The following KIF2C variants were observed in gnomAD, a reference collection of about 807,000 sequenced individuals.
The protein encoded by KIF2C is kinesin-like protein KIF2C.
In KIF2C, 34 loss-of-function variants were observed where a neutral mutation model predicts 97.4. The ratio of observed to expected loss-of-function variants is 0.35; its 90% CI spans 0.27 to 0.46. The LOEUF is 0.46. Among genes scored for constraint, KIF2C ranks in the 20% least tolerant of loss-of-function variants. The probability of loss-of-function intolerance (pLI) is 1.00; values close to 1 mark genes in which losing one functional copy is unlikely to be tolerated. For missense variants in KIF2C, 750 were observed against 907.6 expected, an observed-to-expected ratio of 0.83 and a Z score of 2.23; for synonymous variants, 313 against 318.2, an observed-to-expected ratio of 0.98 and a Z score of 0.17.
At position 44,761,990 on chromosome 1, in the gene KIF2C, G is replaced by A. The variant is rs1350789805; in HGVS notation, c.1751+7G>A. 1 of 1,612,510 alleles carries A rather than the reference G, an allele frequency of 6.2e-7. No individual in the cohort carries two copies. Among genetic ancestry groups the A allele is most frequent in the Non-Finnish European group, 8.5e-7 (1 of 1,178,604 alleles). On this transcript the variant is annotated splice_region_variant and intron_variant, in intron 17 of 20. Coordinates refer to ENST00000372224, the MANE Select transcript of KIF2C (RefSeq NM_006845.4). ...CCCTGAGATATGCAGACAGGTACTAGTACCTACAGCTAGGTGGGATGCGGA... is the reference window on the plus strand; with the variant it reads ...CCCTGAGATATGCAGACAGGTACTAATACCTACAGCTAGGTGGGATGCGGA...
Position 44,762,585 on chromosome 1 carries a change from G to A in KIF2C, c.1898G>A (p.Ser633Asn). ...GAGGAACTGTCTTCCCAGATGTCCAGCTTTAACGAAGCCATGACTCAGATC... is the reference window on the plus strand; with the variant it reads ...GAGGAACTGTCTTCCCAGATGTCCAACTTTAACGAAGCCATGACTCAGATC... ...EEEELSSQMS[S>N]FNEAMTQIRE... The change falls in exon 19 of 21, where the codon AGC becomes AAC. Residue 633 changes from serine to asparagine, a missense_variant. Coordinates refer to ENST00000372224, the MANE Select transcript of KIF2C (RefSeq NM_006845.4). 6.2e-7 allele frequency: 1 copy of A among 1,614,158 alleles called. No homozygotes were observed. The highest frequency in any genetic ancestry group is 8.5e-7 in the Non-Finnish European group (1 of 1,180,018).
At position 44,745,130 on chromosome 1, in the gene KIF2C, A is replaced by G. The variant is rs560662479; in HGVS notation, c.166-2254A>G. Among the ~76,000 whole-genome samples, 5 of 151,608 alleles carry G rather than the reference A, an allele frequency of 3.3e-5. No homozygotes were observed. In the South Asian group the frequency reaches 1.1e-3, roughly 32 times the overall value. On this transcript the variant is annotated intron_variant, in intron 2 of 20. Coordinates refer to ENST00000372224, the MANE Select transcript of KIF2C (RefSeq NM_006845.4). ...CTTGAACCTGGGAGGCGGAGGTTCCAGTGAGCCGAGATCATGCCACTGCAC... is the reference window on the plus strand; with the variant it reads ...CTTGAACCTGGGAGGCGGAGGTTCCGGTGAGCCGAGATCATGCCACTGCAC...
intron 2 of KIF2C, among the ~76,000 whole-genome samples, chr1:44,742,720 A>C (rs1331877383): frequency 1.9e-4 from 12 of 64,828 alleles, no homozygotes; most frequent in African/African-American, 4.2e-4. Context: ...CTTCGTCTCA[A>C]AAAAAAAAAA....
At chr1:44,740,668 G>T (rs950653158) in intron 1 of KIF2C, among the ~76,000 whole-genome samples, 1 of 151,860 alleles carries the variant, frequency 6.6e-6, no homozygotes, top group Admixed American at 6.6e-5. Flanking sequence ...AGGCTCTCTT[G>T]AGTAGGGGTG....
chr1:44,749,490 A>G (rs371901722), intron 4 of KIF2C, among the ~76,000 whole-genome samples: 1 of 151,970 alleles, frequency 6.6e-6, no homozygotes, highest in Admixed American at 6.6e-5. Flanking sequence ...GATGGCTCAC[A>G]CCTGTAAGCC....
In KIF2C at chr1:44,760,562, G is replaced by A; in HGVS notation, c.1573-30G>A. ...GGAGGGATCAGTGCAAGGAAAGAAG[G>A]GACCTCAGTTGTTCCTGCTGCCCCC... On this transcript the variant is annotated intron_variant, in intron 15 of 20. Coordinates refer to ENST00000372224, the MANE Select transcript of KIF2C (RefSeq NM_006845.4). The surrounding 1 kb of genome is among the most constrained non-coding windows in gnomAD (Gnocchi z 4.2). The A allele has an allele frequency of 6.2e-7, 1 of 1,612,594 alleles. No individual in the cohort carries two copies. The highest frequency in any genetic ancestry group is 1.3e-5 in the African/African-American group (1 of 75,010).
intron 7 of KIF2C, 99 bp downstream of exon 7, chr1:44,753,932 A>T: frequency 1.3e-4 from 36 of 267,774 alleles, no homozygotes; most frequent in East Asian, 3.8e-4. Context: ...AGCATTTCTG[A>T]GGCTCCAGTT....
chr1:44,742,585 G>A (rs1001033336), intron 2 of KIF2C, among the ~76,000 whole-genome samples: 1 of 151,944 alleles, frequency 6.6e-6, no homozygotes, highest in Non-Finnish European at 1.5e-5. Flanking sequence ...TGGGTGTGGT[G>A]GCACGGGCCT....
rs912412925 is a variant in KIF2C at position 44,760,506 on chromosome 1, G to C, written c.1572+22G>C. On this transcript the variant is annotated intron_variant, in intron 15 of 20. Coordinates refer to ENST00000372224, the MANE Select transcript of KIF2C (RefSeq NM_006845.4). This position sits in a 1 kb window ranked among gnomAD's most constrained non-coding sequence, Gnocchi z 4.2. ...GAAGGTAGTGGGGCAGCTAGAGCTG[G>C]TTGGCCGGGAGAGCTACTGGGAAGG... The C allele has an allele frequency of 6.2e-7, 1 of 1,613,306 alleles. No individual in the cohort carries two copies.
At chr1:44,754,592 C>T (rs1649714700) in intron 7 of KIF2C, among the ~76,000 whole-genome samples, 158 bp from the exon 8 acceptor site, 1 of 152,178 alleles carries the variant, frequency 6.6e-6, no homozygotes, top group African/African-American at 2.4e-5. Flanking sequence ...CAATCTCTTC[C>T]CCAGTGCTTT....
Position 44,750,568 on chromosome 1 carries a change from A to C in KIF2C, c.439+4A>C. ...CGCAAGCAGTTTTCAGTTCCTCGTG[A>C]GTAACGAATGTGCCCCCAACCACCA... On this transcript the variant is annotated splice_donor_region_variant and intron_variant, in intron 5 of 20. Transcript: ENST00000372224. 6.5e-7 allele frequency: 1 copy of C among 1,534,594 alleles called. No homozygotes were observed. The highest frequency in any genetic ancestry group is 1.2e-5 in the South Asian group (1 of 81,000).
chr1:44,746,400 T>C, intron 2 of KIF2C: 1 of 1,112,022 alleles, frequency 9.0e-7, no homozygotes. Flanking sequence ...AGGTAAGGCA[T>C]GGGCAGGAAG....
Position 44,746,746 on chromosome 1 carries a change from T to C in KIF2C, c.166-638T>C, listed in dbSNP as rs1449336921. On this transcript the variant is annotated intron_variant, in intron 2 of 20. Transcript: ENST00000372224. ...CATTGGCTTGGAAATCAGAAACCCA[T>C]ATCCATCTAGATGGTAAACCATTAT... 2.5e-6 allele frequency: 4 copies of C among 1,610,160 alleles called. No homozygotes were observed. In the South Asian group the frequency reaches 4.4e-5, roughly 18 times the overall value.
chr1:44,766,917 C>G lies in KIF2C; in HGVS notation c.2063C>G (p.Ala688Gly). The change falls in exon 20 of 21, where the codon GCC becomes GGC. Residue 688 changes from alanine (A) to glycine (G), a missense_variant. By Grantham distance (60) the Ala-to-Gly change is moderately conservative (BLOSUM62 0). Coordinates refer to ENST00000372224, the MANE Select transcript of KIF2C (RefSeq NM_006845.4). Reference protein sequence around the residue: ...TFVNKAESALAQQAKHFSALR... With the variant: ...TFVNKAESALGQQAKHFSALR... Reference sequence around the variant, plus strand: ...GTGAACAAAGCGGAATCTGCTCTGGCCCAGCAAGCCAAGCATTTCTCAGCC... The same window carrying G: ...GTGAACAAAGCGGAATCTGCTCTGGGCCAGCAAGCCAAGCATTTCTCAGCC... The G allele has an allele frequency of 9.3e-6, 15 of 1,614,212 alleles. No homozygotes were observed. Among genetic ancestry groups the G allele is most frequent in the Non-Finnish European group, 1.2e-5 (14 of 1,180,030 alleles).
chr1:44,764,046 G>A (rs1015903612), intron 19 of KIF2C, among the ~76,000 whole-genome samples: 5 of 150,552 alleles, frequency 3.3e-5, no homozygotes, highest in Non-Finnish European at 5.9e-5. Flanking sequence ...AAAAAAAAAA[G>A]AGAAACTAGT....
rs1475635052 is a variant in KIF2C, at chr1:44,740,784, T to G, written c.71-129T>G. ...AGATTTATTTGTTTCTCTTAGTTTT[T>G]TTTTTTTTTTTTTTTAAGGTAGCTG... On this transcript the variant is annotated intron_variant, in intron 1 of 20. Coordinates refer to ENST00000372224, the MANE Select transcript of KIF2C (RefSeq NM_006845.4). 9.5e-6 allele frequency: 4 copies of G among 422,278 alleles called. No individual in the cohort carries two copies. The East Asian group carries it at 1.1e-4, about 12-fold the overall frequency. 26.2% of individuals were successfully genotyped at this position (422,278 alleles called of 1,614,324 possible). A position where few individuals can be genotyped will look rare whatever the true frequency, so the allele number is the denominator to read the frequency against.
Position 44,760,786 on chromosome 1 carries a change from G to A in KIF2C, c.1683+84G>A. 6 of 1,164,574 alleles carry A rather than the reference G, an allele frequency of 5.2e-6. No individual in the cohort carries two copies. Among genetic ancestry groups the A allele is most frequent in the Non-Finnish European group, 1.3e-6 (1 of 791,882 alleles). 72.1% of individuals were successfully genotyped at this position (1,164,574 alleles called of 1,614,324 possible). A position where few individuals can be genotyped will look rare whatever the true frequency, so the allele number is the denominator to read the frequency against. On this transcript the variant is annotated intron_variant, in intron 16 of 20. Coordinates refer to ENST00000372224, the MANE Select transcript of KIF2C (RefSeq NM_006845.4). The surrounding 1 kb of genome is among the most constrained non-coding windows in gnomAD (Gnocchi z 4.2). ...AGACACTTAGTCCTGTCCCTGGGCT[G>A]GAAGCTCAGCACTGCTGGCTGCCTG...
Position 44,760,800 on chromosome 1 carries a change from G to A in KIF2C, c.1683+98G>A, listed in dbSNP as rs1650102098. 2.0e-6 allele frequency: 2 copies of A among 990,328 alleles called. No individual in the cohort carries two copies. Among genetic ancestry groups the A allele is most frequent in the African/African-American group, 1.6e-5 (1 of 62,776 alleles). The allele number at this position is 990,328 out of a possible 1,614,324, so 61.3% of individuals were successfully genotyped here. ...GTCCCTGGGCTGGAAGCTCAGCACT[G>A]CTGGCTGCCTGGGTTTCCAGGCTGT... On this transcript the variant is annotated intron_variant, in intron 16 of 20. Coordinates refer to ENST00000372224, the MANE Select transcript of KIF2C (RefSeq NM_006845.4). This position sits in a 1 kb window ranked among gnomAD's most constrained non-coding sequence, Gnocchi z 4.2.
chr1:44,741,767 T>C (rs544066928), intron 2 of KIF2C, among the ~76,000 whole-genome samples: 20 of 152,132 alleles, frequency 1.3e-4, no homozygotes, highest in African/African-American at 1.9e-4. Flanking sequence ...GGTGGGCAGA[T>C]CGCTTTGAGC....
Sources: gnomAD v4.1 joint callset for allele counts (sites outside exome capture counted in the v4.1 genomes callset) on GRCh38, gnomAD v4.1.1 for gene constraint, Gnocchi (gnomAD v3.1) non-coding constraint, MANE v1.5 for transcripts, NCBI Gene and HGNC (gene_info 2026-07-23, HGNC 2026-07-21) for gene names.